BHMT: variants seen among roughly 807,000 people sequenced by gnomAD.
The protein encoded by BHMT is betaine--homocysteine S-methyltransferase, also known as betaine--homocysteine S-methyltransferase 1.
A neutral mutation model predicts 49.5 loss-of-function variants in BHMT; 38 were observed. The observed-to-expected ratio is 0.77, with a 90% CI of 0.59 to 1.01. The LOEUF (loss-of-function observed/expected upper bound fraction) is 1.01. Among genes scored for constraint, BHMT ranks in the 50% least tolerant of loss-of-function variants. BHMT has a pLI of 0.00. For missense variants in BHMT, 426 were observed against 495.7 expected, an observed-to-expected ratio of 0.86 and a Z score of 1.34; for synonymous variants, 166 against 176.3, an observed-to-expected ratio of 0.94 and a Z score of 0.46.
chr5:79,116,044 T>C (rs1448595896), intron 2 of BHMT, 145 bp downstream of exon 2: 2 of 1,037,776 alleles, frequency 1.9e-6, no homozygotes, highest in African/African-American at 3.3e-5. Context: ...TAGGGAGACC[T>C]AGTCTCTCAG....
rs1367836804 is a variant in BHMT at position 79,111,914 on chromosome 5, A to G, written c.29A>G (p.Lys10Arg). ...CCACCCGTTGGGGGCAAAAAGGCCA[A>G]GAAGGTGAGTCTCCAGGGGACCCGA... is the stretch of plus-strand genomic sequence containing the variant. MPPVGGKKA[K>R]KGILERLNAG... The change falls in exon 1 of 8, where the codon AAG becomes AGG. Residue 10 changes from lysine to arginine, a missense_variant. Around this residue, in one of 3 missense-constraint regions of BHMT, gnomAD observed 321 missense variants for 355.9 expected, o/e 0.90. Coordinates refer to ENST00000274353, the MANE Select transcript of BHMT (RefSeq NM_001713.3). The G allele has an allele frequency of 6.2e-7, 1 of 1,609,014 alleles. No individual in the cohort carries two copies. The highest frequency in any genetic ancestry group is 8.5e-7 in the Non-Finnish European group (1 of 1,177,688).
rs948002157 is a variant in BHMT, at chr5:79,115,676, T to G, written c.34-91T>G. ...CTGAAAATTCTAAAATAACCACACA[T>G]CTCCAAGAATATGTTAGCAAAAGTA... is the stretch of plus-strand genomic sequence containing the variant. On this transcript the variant is annotated intron_variant, in intron 1 of 7. Coordinates refer to ENST00000274353, the MANE Select transcript of BHMT (RefSeq NM_001713.3). The G allele has an allele frequency of 1.2e-5, 17 of 1,373,046 alleles. No individual in the cohort carries two copies. In the African/African-American group the frequency reaches 1.9e-4, roughly 15 times the overall value. The allele number at this position is 1,373,046 out of a possible 1,614,324, so 85.1% of individuals were successfully genotyped here. A position where few individuals can be genotyped will look rare whatever the true frequency, so the allele number is the denominator to read the frequency against.
At chr5:79,112,505 C>T (rs2112720583) in intron 1 of BHMT, among the ~76,000 whole-genome samples, 1 of 152,268 alleles carries the variant, frequency 6.6e-6, no homozygotes, top group South Asian at 2.1e-4. Flanking sequence ...GTGTCGGGGC[C>T]GCCTCCCCGC....
intron 5 of BHMT, among the ~76,000 whole-genome samples, chr5:79,124,385 C>T (rs778464920): frequency 2.1e-5 from 3 of 143,158 alleles, no homozygotes; most frequent in Non-Finnish European, 4.6e-5. Context: ...CTTGTCTCTA[C>T]AAAAAAATAA....
chr5:79,128,626 C>T (rs1211233510), intron 7 of BHMT, among the ~76,000 whole-genome samples: 8 of 151,222 alleles, frequency 5.3e-5, no homozygotes, highest in African/African-American at 1.9e-4. Context: ...GTGTGGTGCA[C>T]AATACTCTTA....
Position 79,131,435 on chromosome 5 carries a change from G to C in BHMT, c.*319G>C, listed in dbSNP as rs1334149609. On this transcript the variant is annotated 3_prime_UTR_variant, in exon 8 of 8. Coordinates refer to ENST00000274353, the MANE Select transcript of BHMT (RefSeq NM_001713.3). The stretch of plus-strand genomic sequence containing the variant: ...TAATGCCACTTGAAGAAGTTGGTAG[G>C]CTAGCAAAGAGGATGAGACATGAAC... 9.5e-6 allele frequency: 2 copies of C among 209,588 alleles called. No individual in the cohort carries two copies. Among genetic ancestry groups the C allele is most frequent in the Non-Finnish European group, 1.9e-5 (2 of 105,272 alleles). 13.0% of individuals were successfully genotyped at this position (209,588 alleles called of 1,614,324 possible). A position where few individuals can be genotyped will look rare whatever the true frequency, so the allele number is the denominator to read the frequency against.
chr5:79,114,087 ATATATATATATATATTTAT>A (rs1756348223), intron 1 of BHMT, among the ~76,000 whole-genome samples: 1 of 146,682 alleles, frequency 6.8e-6, no homozygotes, highest in Non-Finnish European at 1.5e-5. Flanking sequence ...TGGCAGTAGT[ATATATATATATATATTTAT>A]ATATATGTAT....
chr5:79,126,366 G>T lies in BHMT; in HGVS notation c.808+138G>T, dbSNP rs572626710. On this transcript the variant is annotated intron_variant, in intron 6 of 7. Coordinates refer to ENST00000274353, the MANE Select transcript of BHMT (RefSeq NM_001713.3). The stretch of plus-strand genomic sequence containing the variant: ...TCCTCATGTCTTGTCCCTGGTTTCT[G>T]TCCCTGCAGCCAAAAGCCCCTTCGT... 1.2e-3 allele frequency: 1,270 copies of T among 1,027,282 alleles called. 7 individuals are homozygous for T. The highest frequency in any genetic ancestry group is 2.0e-3 in the Admixed American group (73 of 35,956). 63.6% of individuals were successfully genotyped at this position (1,027,282 alleles called of 1,614,324 possible).
Position 79,120,233 on chromosome 5 carries a change from C to T in BHMT, c.286-117C>T, listed in dbSNP as rs551968640. 3.6e-4 allele frequency: 370 copies of T among 1,038,146 alleles called. No homozygotes were observed. The African/African-American group carries it at 3.9e-3, about 11-fold the overall frequency. The allele number at this position is 1,038,146 out of a possible 1,614,324, so 64.3% of individuals were successfully genotyped here. ...AAGCTTTGAACTATTCCATAACAGT[C>T]ATTTTCTGGAATAAGATACTATTGT... is the stretch of plus-strand genomic sequence containing the variant. On this transcript the variant is annotated intron_variant, in intron 3 of 7. Coordinates refer to ENST00000274353, the MANE Select transcript of BHMT (RefSeq NM_001713.3).
At chr5:79,118,133 T>A (rs1448576170) in intron 2 of BHMT, among the ~76,000 whole-genome samples, 1 of 152,188 alleles carries the variant, frequency 6.6e-6, no homozygotes, top group Non-Finnish European at 1.5e-5. Flanking sequence ...CTGAATACTT[T>A]TAGCTATATG....
intron 3 of BHMT, among the ~76,000 whole-genome samples, chr5:79,119,942 A>C (rs1226905359): frequency 1.3e-5 from 2 of 152,222 alleles, no homozygotes; most frequent in Admixed American, 1.3e-4. Context: ...GAGAATATAC[A>C]TACAAAAACA....
Position 79,120,508 on chromosome 5 carries a change from T to C in BHMT, c.444T>C (p.Phe148=), listed in dbSNP as rs199796718. The change falls in exon 4 of 8, where the codon TTT becomes TTC. Residue 148 remains phenylalanine, a synonymous_variant. Transcript: ENST00000274353. ...KKVFLQQLEV[F]MKKNVDFLIA... ...TATTTCTGCAACAGTTAGAGGTCTT[T>C]ATGAAGAAGAACGTGGACTTCTTGA... 4.0e-5 allele frequency: 65 copies of C among 1,612,958 alleles called. No individual in the cohort carries two copies. Among genetic ancestry groups the C allele is most frequent in the Non-Finnish European group, 8.5e-6 (10 of 1,179,770 alleles).
rs752321497 is a variant in BHMT, at chr5:79,111,859, T to TC, written c.-26dup. 1.2e-6 allele frequency: 2 copies of TC among 1,612,152 alleles called. No individual in the cohort carries two copies. The highest frequency in any genetic ancestry group is 4.5e-5 in the East Asian group (2 of 44,710). ...CTCGCCTAGTCGGTCCGCATCCGTG[T>TC]CGACCACCTGTCTGGACACCACGAA... On this transcript the variant is annotated 5_prime_UTR_variant, in exon 1 of 8. Transcript: ENST00000274353.
chr5:79,119,399 AC>A (rs768910093), intron 3 of BHMT, 22 bp downstream of exon 3: 3 of 1,571,758 alleles, frequency 1.9e-6, no homozygotes, highest in Non-Finnish European at 2.6e-6. Context: ...CAGCCGTGGG[AC>A]TTTTAGAAGG....
At chr5:79,113,390 G>A (rs1756337107) in intron 1 of BHMT, among the ~76,000 whole-genome samples, 1 of 152,148 alleles carries the variant, frequency 6.6e-6, no homozygotes, top group South Asian at 2.1e-4. Context: ...ACATTTTAAA[G>A]AATTATCTTT....
chr5:79,129,365 C>T (rs558133), intron 7 of BHMT, among the ~76,000 whole-genome samples: 5 of 152,132 alleles, frequency 3.3e-5, no homozygotes, highest in Non-Finnish European at 5.9e-5. Context: ...TTGAATTCTG[C>T]GAGAGGAATT....
chr5:79,131,160 C>A lies in BHMT; in HGVS notation c.*44C>A. 6.4e-7 allele frequency: 1 copy of A among 1,560,980 alleles called. No individual in the cohort carries two copies. Among genetic ancestry groups the A allele is most frequent in the South Asian group, 1.2e-5 (1 of 83,122 alleles). On this transcript the variant is annotated 3_prime_UTR_variant, in exon 8 of 8. Transcript: ENST00000274353. ...TTGATGAATTTCTAGGTGTTTGGGT[C>A]ACAGTTCCTACAAATACGGAAAAGG...
At chr5:79,128,301 A>T (rs114765220) in intron 7 of BHMT, 2,419 of 224,952 alleles carry the variant, frequency 0.011, 21 homozygotes, top group Non-Finnish European at 0.015. Flanking sequence ...TAGGAGGATT[A>T]CTTGATCTCG....
intron 5 of BHMT, among the ~76,000 whole-genome samples, chr5:79,121,608 A>T (rs1254603430): frequency 6.6e-6 from 1 of 151,994 alleles, no homozygotes; most frequent in Non-Finnish European, 1.5e-5. Flanking sequence ...AGGTCAGGAG[A>T]TCGAGACCAT....
Sources: allele counts gnomAD v4.1 joint callset (sites outside exome capture counted in the v4.1 genomes callset), GRCh38; gene constraint gnomAD v4.1.1; regional missense constraint gnomAD v4.1.1; transcripts MANE v1.5; gene names NCBI Gene and HGNC (gene_info 2026-07-23, HGNC 2026-07-21).